The following CHEK2 variants were observed in gnomAD, a reference collection of about 807,000 sequenced individuals.
CHEK2 encodes the protein checkpoint kinase 2, also known as serine/threonine-protein kinase Chk2.
Under a neutral mutation model 69.1 loss-of-function variants are expected in CHEK2, and 71 were observed. That is an observed-to-expected ratio of 1.03 (90% CI 0.85 to 1.25). The LOEUF is 1.25. Among genes scored for constraint, CHEK2 ranks in the 50% most tolerant of loss-of-function variants. The pLI is 0.00. For missense variants in CHEK2, 664 were observed against 649.6 expected (o/e 1.02, Z -0.24); for synonymous variants, 189 against 226.9 (o/e 0.83, Z 1.50).
intron 5 of CHEK2, among the ~76,000 whole-genome samples, chr22:28,717,614 G>A (rs1179430089): frequency 1.3e-5 from 2 of 151,682 alleles, no homozygotes; most frequent in South Asian, 2.1e-4. Flanking sequence ...GGTGGCTCAC[G>A]CCTATAATCC....
intron 1 of CHEK2, among the ~76,000 whole-genome samples, chr22:28,739,140 C>T (rs1569177344): frequency 1.3e-5 from 2 of 151,464 alleles, no homozygotes; most frequent in Non-Finnish European, 2.9e-5. Flanking sequence ...CATGGTGGCC[C>T]GTGCCTGTAA....
intron 4 of CHEK2, among the ~76,000 whole-genome samples, chr22:28,724,290 C>G (rs934432623): frequency 3.9e-5 from 6 of 151,908 alleles, no homozygotes; most frequent in Non-Finnish European, 7.4e-5. Context: ...AGCCTGTAAT[C>G]CCAGCTACTT....
In CHEK2 at chr22:28,734,571, G is replaced by C. The variant is rs587781592; in HGVS notation, c.151C>G (p.Gln51Glu). ...GTCCCAGAGCTGGAGTGAGAGGACT[G>C]GCTGGAGTTTGGCATCGTGCTGGTA... The part of the protein sequence containing the change: ...SSTSTMPNSS[Q>E]SSHSSSGTLS... Residue 51 changes from glutamine to glutamate, a missense_variant, in exon 2 of 15, where the codon CAG (glutamine) becomes GAG (glutamate). Gln to Glu is a conservative substitution (Grantham distance 29). Transcript: ENST00000404276. 1 of 1,613,960 alleles carries C rather than the reference G, an allele frequency of 6.2e-7. No homozygotes were observed. Among genetic ancestry groups the C allele is most frequent in the Non-Finnish European group, 8.5e-7 (1 of 1,180,008 alleles).
chr22:28,702,133 GTC>G (rs898743052), intron 8 of CHEK2, among the ~76,000 whole-genome samples: 8 of 113,034 alleles, frequency 7.1e-5, no homozygotes, highest in African/African-American at 7.1e-5. Flanking sequence ...GTGTGTGTGT[GTC>G]TGTGTGTGTG....
intron 7 of CHEK2, 143 bp from the exon 8 acceptor site, chr22:28,703,709 CA>C (rs1366079684): frequency 3.1e-6 from 2 of 652,326 alleles, no homozygotes; most frequent in African/African-American, 3.7e-5. Context: ...GAAGTTCAAT[CA>C]GGGGAGAAGG....
chr22:28,692,494 TTAAG>T (rs1361862212), intron 13 of CHEK2, among the ~76,000 whole-genome samples: 1 of 151,388 alleles, frequency 6.6e-6, no homozygotes, highest in Non-Finnish European at 1.5e-5. Flanking sequence ...TTTGTTTGTT[TTAAG>T]TTTTTGTTGT....
chr22:28,716,188 T>C (rs929661529), intron 5 of CHEK2, among the ~76,000 whole-genome samples: 3 of 145,206 alleles, frequency 2.1e-5, no homozygotes, highest in Admixed American at 7.2e-5. Flanking sequence ...CATTTCTTTT[T>C]TCTTTTTTCT....
At chr22:28,729,823 T>G (rs1325326651) in intron 2 of CHEK2, among the ~76,000 whole-genome samples, 1 of 152,122 alleles carries the variant, frequency 6.6e-6, no homozygotes, top group Non-Finnish European at 1.5e-5. Context: ...AATCATAGCT[T>G]GCTGCAGTCT....
chr22:28,704,419 G>A (rs547710747), intron 7 of CHEK2, among the ~76,000 whole-genome samples: 14 of 151,518 alleles, frequency 9.2e-5, no homozygotes, highest in Admixed American at 5.3e-4. Context: ...TGCAACCTCC[G>A]CCTCCCGGGT....
At chr22:28,708,363 A>ATGTGTTTGTGTGTG (rs371287570) in intron 7 of CHEK2, among the ~76,000 whole-genome samples, 1 of 139,668 alleles carries the variant, frequency 7.2e-6, no homozygotes, top group Non-Finnish European at 1.5e-5. Context: ...CTCTAAAAAT[A>ATGTGTTTGTGTGTG]TGTGTGTGTG....
intron 2 of CHEK2, among the ~76,000 whole-genome samples, chr22:28,727,492 A>G (rs925738369): frequency 2.6e-5 from 4 of 152,140 alleles, no homozygotes; most frequent in African/African-American, 7.2e-5. Context: ...AACCTCCAGG[A>G]GGGCAGCTGG....
In CHEK2 at chr22:28,697,251, A is replaced by G. The variant is rs4820790; in HGVS notation, c.1009-264T>C. ...TAAGATAATAAACAACTCTTCACAC[A>G]GCAGAAATGTAAGGTGTCAATTTCA... On this transcript the variant is annotated intron_variant, in intron 9 of 14. Coordinates refer to ENST00000404276, the MANE Select transcript of CHEK2 (RefSeq NM_007194.4). Among the ~76,000 whole-genome samples, 150,090 of 152,272 alleles carry G rather than the reference A, an allele frequency of 0.99. 74,009 individuals are homozygous for G. Among genetic ancestry groups the G allele is most frequent in the East Asian group, 1 (5,182 of 5,182 alleles).
At chr22:28,699,723 AAC>A (rs1186495780) in intron 9 of CHEK2, 113 bp downstream of exon 9, 1 of 833,938 alleles carries the variant, frequency 1.2e-6, no homozygotes, top group African/African-American at 1.7e-5. Context: ...GAGAACAGCA[AAC>A]ACACAGATTC....
At position 28,711,891 on chromosome 22, in the gene CHEK2, C is replaced by T. The variant is rs1385038498; in HGVS notation, c.792+18G>A. 8 of 1,516,682 alleles carry T rather than the reference C, an allele frequency of 5.3e-6. No homozygotes were observed. The African/African-American group carries it at 5.5e-5, about 10-fold the overall frequency. The allele number at this position is 1,516,682 out of a possible 1,614,324, so 94.0% of individuals were successfully genotyped here. ...AGACGTGTTAATAAAAGGTGATCAG[C>T]CTTTTATTGGTACTTACTGCCTCTC... On this transcript the variant is annotated intron_variant, in intron 6 of 14. Transcript: ENST00000404276.
chr22:28,741,431 C>G (rs1054269371), intron 1 of CHEK2, among the ~76,000 whole-genome samples: 23 of 151,802 alleles, frequency 1.5e-4, no homozygotes, highest in Non-Finnish European at 2.1e-4. Flanking sequence ...GTAGCTAAGA[C>G]TGGCTTCTCT....
chr22:28,729,881 C>T (rs1186240049), intron 2 of CHEK2, among the ~76,000 whole-genome samples: 1 of 152,060 alleles, frequency 6.6e-6, no homozygotes, highest in Non-Finnish European at 1.5e-5. Flanking sequence ...TCCCAAAGCA[C>T]TGAGATTATA....
intron 5 of CHEK2, among the ~76,000 whole-genome samples, chr22:28,712,650 A>C (rs2053445711): frequency 6.6e-6 from 1 of 152,226 alleles, no homozygotes; most frequent in Non-Finnish European, 1.5e-5. Context: ...GAACACAGTT[A>C]ATCCTGAGTA....
At chr22:28,692,864 C>T (rs750466764) in intron 13 of CHEK2, among the ~76,000 whole-genome samples, 3 of 152,176 alleles carry the variant, frequency 2.0e-5, no homozygotes, top group Non-Finnish European at 4.4e-5. Context: ...TGAGTGAGTT[C>T]TCACCAGATC....
intron 7 of CHEK2, among the ~76,000 whole-genome samples, chr22:28,708,121 G>A (rs961447750): frequency 1.3e-5 from 2 of 151,828 alleles, no homozygotes; most frequent in Non-Finnish European, 2.9e-5. Flanking sequence ...TTACAGGCGT[G>A]AGCCACCGCG....
Sources: gnomAD v4.1 joint callset for allele counts (sites outside exome capture counted in the v4.1 genomes callset) on GRCh38, gnomAD v4.1.1 for gene constraint, MANE v1.5 for transcripts, NCBI Gene and HGNC (gene_info 2026-07-23, HGNC 2026-07-21) for gene names.